Variants in AKAP8L observed in about 807,000 individuals in gnomAD.
The protein encoded by AKAP8L is A-kinase anchor protein 8-like.
A neutral mutation model predicts 77.5 loss-of-function variants in AKAP8L; 34 were observed. The ratio of observed to expected loss-of-function variants is 0.44; its 90% CI spans 0.33 to 0.58. The LOEUF is 0.58. AKAP8L is among the 20% of genes least tolerant of loss of function. AKAP8L has a pLI of 0.02. For missense variants in AKAP8L, 806 were observed against 887.6 expected, an observed-to-expected ratio of 0.91 and a Z score of 1.17; for synonymous variants, 342 against 340.7, an observed-to-expected ratio of 1.00 and a Z score of -0.04.
intron 12 of AKAP8L, among the ~76,000 whole-genome samples, chr19:15,382,236 C>T (rs975552005): frequency 3.4e-4 from 51 of 148,146 alleles, no homozygotes; most frequent in Non-Finnish European, 5.5e-4. Flanking sequence ...AAGACAGTCT[C>T]GCTCTGTCGC....
In AKAP8L at chr19:15,401,860, C is replaced by T. The variant is rs1365122326; in HGVS notation, c.363-257G>A. 1.3e-5 allele frequency among the ~76,000 whole-genome samples: 2 copies of T among 152,246 alleles called. No individual in the cohort carries two copies. Among genetic ancestry groups the T allele is most frequent in the Non-Finnish European group, 2.9e-5 (2 of 68,042 alleles). On this transcript the variant is annotated intron_variant, in intron 4 of 13. Coordinates refer to ENST00000397410, the MANE Select transcript of AKAP8L (RefSeq NM_014371.4). The surrounding 1 kb of genome is among the most constrained non-coding windows in gnomAD (Gnocchi z 6.2). ...GAAGGACTGATAACTGGGGTGGAGG[C>T]TCTAGTCCAGTGAGTCTCAACAAGG... is the stretch of plus-strand genomic sequence containing the variant.
chr19:15,397,055 C>T lies in AKAP8L; in HGVS notation c.1536+95G>A. ...ACCTCCTCCTGCCTCCACTGCAGTC[C>T]CTCACGGGCTGGCAGAGGTTCCAAC... On this transcript the variant is annotated intron_variant, in intron 12 of 13. Transcript: ENST00000397410. The surrounding 1 kb of genome is among the most constrained non-coding windows in gnomAD (Gnocchi z 4.7). The T allele has an allele frequency of 6.5e-7, 1 of 1,544,314 alleles. No individual in the cohort carries two copies. The highest frequency in any genetic ancestry group is 2.3e-5 in the East Asian group (1 of 44,166).
rs745896831 is a variant in AKAP8L, at chr19:15,410,614, G to A, written c.14-20C>T. 12 of 1,569,404 alleles carry A rather than the reference G, an allele frequency of 7.6e-6. No homozygotes were observed. Among genetic ancestry groups the A allele is most frequent in the Non-Finnish European group, 1.0e-5 (12 of 1,154,430 alleles). ...CAAAGCCTAAACATAAAGACAGTGG[G>A]GTTAATTTCCACAAGCAAGTCACAG... On this transcript the variant is annotated intron_variant, in intron 1 of 13. Coordinates refer to ENST00000397410, the MANE Select transcript of AKAP8L (RefSeq NM_014371.4).
intron 12 of AKAP8L, among the ~76,000 whole-genome samples, chr19:15,389,530 T>C (rs948477712): frequency 6.6e-6 from 1 of 151,658 alleles, no homozygotes. Context: ...CCCAGCACTT[T>C]GGGAGGCCGA....
chr19:15,417,303 A>G (rs1430047554), intron 1 of AKAP8L, among the ~76,000 whole-genome samples: 1 of 152,198 alleles, frequency 6.6e-6, no homozygotes, highest in African/African-American at 2.4e-5. Context: ...TTATATTCCA[A>G]TCCCAGGGAT....
At chr19:15,402,371 G>A (rs1381434685) in intron 4 of AKAP8L, among the ~76,000 whole-genome samples, 1 of 152,136 alleles carries the variant, frequency 6.6e-6, no homozygotes, top group African/African-American at 2.4e-5. Flanking sequence ...CACCTCACAG[G>A]CACAGGGGCT....
Position 15,403,622 on chromosome 19 carries a change from G to C in AKAP8L, c.215C>G (p.Pro72Arg). ...AGTGTTTGCATTTGTGTCAGAGCTA[G>C]GCATTTCCCAAGAGTGTGAAGTGGC... ...GMATSHSWEM[P>R]SSDTNANTSA... is the part of the protein sequence containing the mutation. The change falls in exon 4 of 14, where the codon CCT (proline) becomes CGT (arginine). Residue 72 changes from proline (P) to arginine (R), a missense_variant. Pro to Arg is a moderately radical substitution (Grantham distance 103). Around this residue, in one of 2 missense-constraint regions of AKAP8L, gnomAD observed 580 missense variants for 694.1 expected, o/e 0.84. Coordinates refer to ENST00000397410, the MANE Select transcript of AKAP8L (RefSeq NM_014371.4). The surrounding 1 kb of genome is among the most constrained non-coding windows in gnomAD (Gnocchi z 4.3). The C allele has an allele frequency of 6.2e-7, 1 of 1,613,988 alleles. No homozygotes were observed. Among genetic ancestry groups the C allele is most frequent in the Middle Eastern group, 1.6e-4 (1 of 6,062 alleles).
In AKAP8L at chr19:15,380,276, G is replaced by T. The variant is rs1249921821; in HGVS notation, c.1787C>A (p.Ala596Asp). The change falls in exon 14 of 14, where the codon GCC (alanine) becomes GAC (aspartate). Residue 596 changes from alanine (A) to aspartate (D), a missense_variant. By Grantham distance (126) the Ala-to-Asp change is moderately radical (BLOSUM62 -2). Coordinates refer to ENST00000397410, the MANE Select transcript of AKAP8L (RefSeq NM_014371.4). ...PAQPPVPPEP[A>D]PGAVSPPPPP... ...CGGTGGCGGCGACACGGCCCCGGGG[G>T]CTGGCTCTGGGGGCACGGGAGGCTG... is the stretch of plus-strand genomic sequence containing the variant. 2 of 1,516,332 alleles carry T rather than the reference G, an allele frequency of 1.3e-6. No individual in the cohort carries two copies. Among genetic ancestry groups the T allele is most frequent in the Non-Finnish European group, 1.8e-6 (2 of 1,140,398 alleles). 93.9% of individuals were successfully genotyped at this position (1,516,332 alleles called of 1,614,324 possible). A position where few individuals can be genotyped will look rare whatever the true frequency, so the allele number is the denominator to read the frequency against.
chr19:15,383,159 G>A (rs979725148), intron 12 of AKAP8L: 1 of 152,190 alleles, frequency 6.6e-6, no homozygotes. Flanking sequence ...ACTACAAGGC[G>A]CTTTCCCCAG....
At chr19:15,414,418 G>C (rs972731733) in intron 1 of AKAP8L, among the ~76,000 whole-genome samples, 1 of 151,524 alleles carries the variant, frequency 6.6e-6, no homozygotes, top group African/African-American at 2.4e-5. Flanking sequence ...GATTAGCGCT[G>C]GTTGAAAAAA....
chr19:15,413,103 G>T (rs12461519), intron 1 of AKAP8L, among the ~76,000 whole-genome samples: 1 of 152,046 alleles, frequency 6.6e-6, no homozygotes, highest in African/African-American at 2.4e-5. Flanking sequence ...TTTCCCTGCA[G>T]GGTGCTAAGA....
chr19:15,395,819 C>A (rs1489335462), intron 12 of AKAP8L, among the ~76,000 whole-genome samples: 1 of 141,694 alleles, frequency 7.1e-6, no homozygotes, highest in Non-Finnish European at 1.5e-5. Flanking sequence ...CCCGTCTCTA[C>A]TAAAAATACA....
At chr19:15,395,131 G>A (rs1024105442) in intron 12 of AKAP8L, among the ~76,000 whole-genome samples, 5 of 151,868 alleles carry the variant, frequency 3.3e-5, no homozygotes, top group Admixed American at 1.3e-4. Flanking sequence ...CTGGGTTCAC[G>A]CCATTCTCCC....
Position 15,398,282 on chromosome 19 carries a change from C to G in AKAP8L, c.1158-427G>C, listed in dbSNP as rs1967819531. 5.2e-6 allele frequency: 1 copy of G among 193,538 alleles called. No individual in the cohort carries two copies. Among genetic ancestry groups the G allele is most frequent in the Non-Finnish European group, 1.1e-5 (1 of 92,248 alleles). The allele number at this position is 193,538 out of a possible 1,614,324, so 12.0% of individuals were successfully genotyped here. A position where few individuals can be genotyped will look rare whatever the true frequency, so the allele number is the denominator to read the frequency against. On this transcript the variant is annotated intron_variant, in intron 9 of 13. Coordinates refer to ENST00000397410, the MANE Select transcript of AKAP8L (RefSeq NM_014371.4). The surrounding 1 kb of genome is among the most constrained non-coding windows in gnomAD (Gnocchi z 9.2). ...CAGAGTGGAGTACGCAGTCCCGAGG[C>G]AGGGCCCGAAAAGGTGCTGCATCTT...
Position 15,380,104 on chromosome 19 carries a change from G to A in AKAP8L, c.*18C>T. Reference sequence around the variant, plus strand: ...TTCCAGCTTCGGCCACGCGGGCTCCGCCCGCCCCGAGCTCGGGTCACGGGG... The same window carrying A: ...TTCCAGCTTCGGCCACGCGGGCTCCACCCGCCCCGAGCTCGGGTCACGGGG... On this transcript the variant is annotated 3_prime_UTR_variant, in exon 14 of 14. Transcript: ENST00000397410. 4 of 1,463,716 alleles carry A rather than the reference G, an allele frequency of 2.7e-6. No homozygotes were observed. Among genetic ancestry groups the A allele is most frequent in the South Asian group, 1.3e-5 (1 of 75,956 alleles). The allele number at this position is 1,463,716 out of a possible 1,614,324, so 90.7% of individuals were successfully genotyped here.
chr19:15,384,226 C>G (rs962245769), intron 12 of AKAP8L, among the ~76,000 whole-genome samples: 4 of 150,628 alleles, frequency 2.7e-5, no homozygotes, highest in Non-Finnish European at 5.9e-5. Flanking sequence ...CCACCGTGCC[C>G]GGCTAAGGTC....
intron 12 of AKAP8L, among the ~76,000 whole-genome samples, chr19:15,386,962 T>G (rs1473865313): frequency 6.6e-6 from 1 of 152,104 alleles, no homozygotes; most frequent in Admixed American, 6.6e-5. Flanking sequence ...CCCAGCCGGA[T>G]GTCAGTATCT....
At chr19:15,414,698 G>A (rs552489195) in intron 1 of AKAP8L, among the ~76,000 whole-genome samples, 66 of 152,012 alleles carry the variant, frequency 4.3e-4, no homozygotes, top group African/African-American at 9.4e-4. Context: ...CTGTGTTAGC[G>A]AGGATGGTCT....
chr19:15,403,608 T>A lies in AKAP8L; in HGVS notation c.229A>T (p.Asn77Tyr). Residue 77 changes from asparagine (N) to tyrosine (Y), a missense_variant, in exon 4 of 14, where the codon AAT becomes TAT. This residue lies in a region of AKAP8L where 580 missense variants were observed against 694.1 expected (regional missense o/e 0.84). Coordinates refer to ENST00000397410, the MANE Select transcript of AKAP8L (RefSeq NM_014371.4). This position sits in a 1 kb window ranked among gnomAD's most constrained non-coding sequence, Gnocchi z 4.3. ...CTACCCGAGGCACTAGTGTTTGCAT[T>A]TGTGTCAGAGCTAGGCATTTCCCAA... Reference protein sequence around the residue: ...HSWEMPSSDTNANTSASGSAS... With the variant: ...HSWEMPSSDTYANTSASGSAS... 6.2e-7 allele frequency: 1 copy of A among 1,613,966 alleles called. No individual in the cohort carries two copies. The highest frequency in any genetic ancestry group is 8.5e-7 in the Non-Finnish European group (1 of 1,179,888).
Sources: gnomAD v4.1 joint callset for allele counts (sites outside exome capture counted in the v4.1 genomes callset) on GRCh38, gnomAD v4.1.1 for gene constraint, gnomAD v4.1.1 regional missense constraint, Gnocchi (gnomAD v3.1) non-coding constraint, MANE v1.5 for transcripts, NCBI Gene and HGNC (gene_info 2026-07-23, HGNC 2026-07-21) for gene names.